NTM: variants seen among roughly 807,000 people sequenced by gnomAD.
NTM encodes the protein neurotrimin.
A neutral mutation model predicts 42.1 loss-of-function variants in NTM; 13 were observed. The observed-to-expected ratio is 0.31, with a 90% CI of 0.20 to 0.49. NTM has a LOEUF of 0.49. NTM is among the 20% of genes least tolerant of loss of function. NTM has a pLI of 0.99. For synonymous variants in NTM, 187 were observed against 179.2 expected (o/e 1.04, Z -0.35); for missense variants, 373 against 452.8 (o/e 0.82, Z 1.60).
chr11:132,148,629 C>T (rs1024527347), intron 3 of NTM, among the ~76,000 whole-genome samples: 1 of 152,098 alleles, frequency 6.6e-6, no homozygotes, highest in Non-Finnish European at 1.5e-5. Flanking sequence ...ATATTTTTGT[C>T]ATTTTCTTTC....
intron 1 of NTM, chr11:131,535,827 G>T (rs143257076): frequency 6.6e-6 from 1 of 152,318 alleles, no homozygotes; most frequent in African/African-American, 2.4e-5. Context: ...CTGACACATA[G>T]AAACCACGCC....
chr11:131,509,030 TATA>T lies in NTM; in HGVS notation c.82+138150_82+138152del, dbSNP rs2047892946. ...TGCACATGTACCCTAGAACTTAAAG[TATA>T]ATAATAAAAAATAATAATAATAAAA... On this transcript the variant is annotated intron_variant, in intron 1 of 8. Coordinates refer to ENST00000683400, the MANE Select transcript of NTM (RefSeq NM_001352005.2). Among the ~76,000 whole-genome samples the T allele has an allele frequency of 2.6e-5, 4 of 151,114 alleles. No homozygotes were observed. The South Asian group carries it at 6.3e-4, about 24-fold the overall frequency.
At chr11:132,218,654 T>C (rs1214761668) in intron 4 of NTM, among the ~76,000 whole-genome samples, 4 of 152,158 alleles carry the variant, frequency 2.6e-5, no homozygotes, top group Admixed American at 2.0e-4. Flanking sequence ...GAGTTTTCGC[T>C]CTGTTATTCC....
chr11:132,313,225 G>T (rs2095329884), intron 6 of NTM, among the ~76,000 whole-genome samples: 2 of 152,166 alleles, frequency 1.3e-5, no homozygotes, highest in Non-Finnish European at 2.9e-5. Context: ...TAACTCCATA[G>T]AAATACATTA....
intron 1 of NTM, among the ~76,000 whole-genome samples, chr11:131,413,507 C>T (rs1033674737): frequency 2.6e-5 from 4 of 152,114 alleles, no homozygotes; most frequent in African/African-American, 9.7e-5. Flanking sequence ...AGGCCAGAGC[C>T]GTTTTGTCAG....
intron 1 of NTM, among the ~76,000 whole-genome samples, chr11:131,574,721 T>G (rs1186075606): frequency 2.6e-5 from 4 of 151,956 alleles, no homozygotes; most frequent in African/African-American, 9.7e-5. Context: ...AAGGAAGAGG[T>G]GTGGCCTACA....
At chr11:131,888,635 C>T (rs188735349) in intron 1 of NTM, among the ~76,000 whole-genome samples, 49 of 152,284 alleles carry the variant, frequency 3.2e-4, no homozygotes, top group African/African-American at 1.0e-3. Context: ...CCATCTCTGA[C>T]GCTGCTAACC....
At chr11:132,262,499 C>G (rs776356042) in intron 4 of NTM, among the ~76,000 whole-genome samples, 1 of 152,198 alleles carries the variant, frequency 6.6e-6, no homozygotes, top group Non-Finnish European at 1.5e-5. Context: ...GGTGGGGGCT[C>G]TCTTCTTGAC....
chr11:131,511,608 C>T (rs903269002), intron 1 of NTM, among the ~76,000 whole-genome samples: 3 of 152,064 alleles, frequency 2.0e-5, no homozygotes, highest in Non-Finnish European at 2.9e-5. Flanking sequence ...ATACATATTA[C>T]GTGACTGGGT....
rs199965263 is a variant in NTM, at chr11:131,804,822, C to T, written c.83-106742C>T. On this transcript the variant is annotated intron_variant, in intron 1 of 8. Coordinates refer to ENST00000683400, the MANE Select transcript of NTM (RefSeq NM_001352005.2). ...GGGAAGTGATTAAGTCATGAAAGCTCTACCCTCATGAGTAGGTTAGTGCCT... is the reference window on the plus strand; with the variant it reads ...GGGAAGTGATTAAGTCATGAAAGCTTTACCCTCATGAGTAGGTTAGTGCCT... Among the ~76,000 whole-genome samples the T allele has an allele frequency of 1.1e-4, 17 of 152,294 alleles. No homozygotes were observed. The East Asian group carries it at 3.1e-3, about 28-fold the overall frequency.
intron 1 of NTM, among the ~76,000 whole-genome samples, chr11:131,605,370 A>G (rs898048500): frequency 6.6e-6 from 1 of 152,228 alleles, no homozygotes; most frequent in East Asian, 1.9e-4. Flanking sequence ...TTGCTAGTGT[A>G]GAAAAGTGTG....
At chr11:131,443,009 G>T (rs1050779147) in intron 1 of NTM, among the ~76,000 whole-genome samples, 9 of 152,132 alleles carry the variant, frequency 5.9e-5, no homozygotes, top group African/African-American at 2.2e-4. Flanking sequence ...TAGTGGGAAT[G>T]CTGGGTTGAA....
At chr11:132,289,167 G>A (rs1445175953) in intron 4 of NTM, among the ~76,000 whole-genome samples, 1 of 152,122 alleles carries the variant, frequency 6.6e-6, no homozygotes, top group Non-Finnish European at 1.5e-5. Flanking sequence ...CAATTCTCAG[G>A]GATGGTGTTT....
intron 2 of NTM, among the ~76,000 whole-genome samples, chr11:132,139,210 G>A (rs944220804): frequency 2.6e-5 from 4 of 152,136 alleles, no homozygotes; most frequent in Admixed American, 2.0e-4. Flanking sequence ...GGGGAAAAAG[G>A]CTCCACTGTC....
intron 1 of NTM, among the ~76,000 whole-genome samples, chr11:131,427,208 G>A (rs1254198957): frequency 1.3e-5 from 2 of 151,912 alleles, no homozygotes; most frequent in African/African-American, 4.8e-5. Flanking sequence ...TTTTTCTGTG[G>A]GTGTGTAGAA....
intron 8 of NTM, among the ~76,000 whole-genome samples, chr11:132,333,766 G>GTCTA (rs2095842569): frequency 6.6e-6 from 1 of 151,776 alleles, no homozygotes; most frequent in African/African-American, 2.4e-5. Flanking sequence ...TCAATCTCAT[G>GTCTA]GCTACCTATT....
At chr11:132,246,671 G>A (rs955014736) in intron 4 of NTM, among the ~76,000 whole-genome samples, 1 of 152,226 alleles carries the variant, frequency 6.6e-6, no homozygotes, top group Admixed American at 6.5e-5. Context: ...AATGAGCTGA[G>A]CTGAGATATT....
chr11:131,857,457 A>G (rs1047282648), intron 1 of NTM, among the ~76,000 whole-genome samples: 2 of 152,122 alleles, frequency 1.3e-5, no homozygotes, highest in African/African-American at 4.8e-5. Context: ...GTCCAGCTGG[A>G]AATCATCATT....
At chr11:131,990,941 T>G (rs2066909460) in intron 2 of NTM, among the ~76,000 whole-genome samples, 1 of 152,132 alleles carries the variant, frequency 6.6e-6, no homozygotes, top group Non-Finnish European at 1.5e-5. Flanking sequence ...ACCTGATAAA[T>G]TACTTTCTGT....
Sources: gnomAD v4.1 joint callset for allele counts (sites outside exome capture counted in the v4.1 genomes callset) on GRCh38, gnomAD v4.1.1 for gene constraint, MANE v1.5 for transcripts, NCBI Gene and HGNC (gene_info 2026-07-23, HGNC 2026-07-21) for gene names.